The following GRID2 variants were observed in gnomAD, a reference collection of about 807,000 sequenced individuals.
GRID2 encodes glutamate ionotropic receptor delta type subunit 2.
A neutral mutation model predicts 114.8 loss-of-function variants in GRID2; 33 were observed. That is an observed-to-expected ratio of 0.29 (90% CI 0.22 to 0.38). The LOEUF is 0.38. Ranked by LOEUF, GRID2 falls within the 10% of genes least tolerant of loss-of-function variation. The probability of loss-of-function intolerance (pLI) is 1.00; values close to 1 mark genes in which losing one functional copy is unlikely to be tolerated. For missense variants in GRID2, 1,184 were observed against 1,257.7 expected (o/e 0.94, Z 0.89); for synonymous variants, 505 against 449.9 (o/e 1.12, Z -1.55).
intron 2 of GRID2, among the ~76,000 whole-genome samples, chr4:92,603,315 A>C (rs1729309409): frequency 6.6e-6 from 1 of 152,164 alleles, no homozygotes; most frequent in Admixed American, 6.6e-5. Context: ...AGGCTACAGT[A>C]ACCAAAACAG....
At chr4:93,615,058 G>T (rs527654452) in intron 13 of GRID2, among the ~76,000 whole-genome samples, 1 of 152,116 alleles carries the variant, frequency 6.6e-6, no homozygotes, top group South Asian at 2.1e-4. Context: ...CCTGCATTAC[G>T]TTGATTCTGG....
chr4:93,007,748 G>T (rs1280073836), intron 2 of GRID2, among the ~76,000 whole-genome samples: 1 of 151,926 alleles, frequency 6.6e-6, no homozygotes, highest in Non-Finnish European at 1.5e-5. Flanking sequence ...AATGGATAAA[G>T]AAAATAAAAT....
chr4:93,027,475 A>G (rs1257664435), intron 2 of GRID2, among the ~76,000 whole-genome samples: 1 of 152,102 alleles, frequency 6.6e-6, no homozygotes, highest in Non-Finnish European at 1.5e-5. Flanking sequence ...TATACTAAGA[A>G]GCCTTGTATT....
At position 92,906,699 on chromosome 4, in the gene GRID2, A is replaced by G. The variant is rs150347543; in HGVS notation, c.245-178296A>G. Among the ~76,000 whole-genome samples, 230 of 151,986 alleles carry G rather than the reference A, an allele frequency of 1.5e-3. 2 individuals carry two copies. The East Asian group carries it at 0.035, about 23-fold the overall frequency. On this transcript the variant is annotated intron_variant, in intron 2 of 15. Transcript: ENST00000282020. The stretch of plus-strand genomic sequence containing the variant: ...AGTGGTGTGATCTTGGCTCACTGCA[A>G]CCTCCACCTCCTGGGTTCAAGCGAT...
chr4:93,010,670 C>T (rs890221568), intron 2 of GRID2, among the ~76,000 whole-genome samples: 1 of 152,046 alleles, frequency 6.6e-6, no homozygotes, highest in Admixed American at 6.6e-5. Flanking sequence ...TTCTTTTTTC[C>T]TTTGTAAGTA....
chr4:92,390,916 C>A (rs1317485382), intron 1 of GRID2, among the ~76,000 whole-genome samples: 1 of 152,056 alleles, frequency 6.6e-6, no homozygotes, highest in Non-Finnish European at 1.5e-5. Context: ...TGGCACCAAG[C>A]CTGGTACCCA....
chr4:93,107,277 T>A, intron 3 of GRID2, among the ~76,000 whole-genome samples: 1 of 152,076 alleles, frequency 6.6e-6, no homozygotes, highest in Non-Finnish European at 1.5e-5. Flanking sequence ...CCAACCTGGG[T>A]AATAGAGTGG....
At chr4:92,577,084 A>G (rs1727933235) in intron 1 of GRID2, among the ~76,000 whole-genome samples, 1 of 152,200 alleles carries the variant, frequency 6.6e-6, no homozygotes, top group African/African-American at 2.4e-5. Context: ...AGCATAGCAT[A>G]TTCGAAAGGG....
chr4:93,745,404 T>C (rs200465982), intron 14 of GRID2, among the ~76,000 whole-genome samples: 1 of 152,192 alleles, frequency 6.6e-6, no homozygotes, highest in East Asian at 1.9e-4. Context: ...AGAATTCTTA[T>C]TTCCTCGGTT....
chr4:93,721,265 A>G (rs1376414607), intron 14 of GRID2, among the ~76,000 whole-genome samples: 1 of 152,208 alleles, frequency 6.6e-6, no homozygotes, highest in East Asian at 1.9e-4. Context: ...TAAATAGTCA[A>G]AAAGGGATCG....
rs528664183 is a variant in GRID2, at chr4:92,831,507, T to C, written c.244+241221T>C. On this transcript the variant is annotated intron_variant, in intron 2 of 15. Coordinates refer to ENST00000282020, the MANE Select transcript of GRID2 (RefSeq NM_001510.4). Reference sequence around the variant, plus strand: ...ATGCCAATTTCGTTTTTTTTTTTTTTCAAACCTGCATGGCTTTGAGCAAGT... The same window carrying C: ...ATGCCAATTTCGTTTTTTTTTTTTTCCAAACCTGCATGGCTTTGAGCAAGT... Among the ~76,000 whole-genome samples, 13 of 152,060 alleles carry C rather than the reference T, an allele frequency of 8.5e-5. No individual in the cohort carries two copies. In the South Asian group the frequency reaches 2.5e-3, roughly 29 times the overall value.
intron 11 of GRID2, among the ~76,000 whole-genome samples, chr4:93,464,060 TCA>T (rs1204742186): frequency 6.6e-6 from 1 of 152,160 alleles, no homozygotes; most frequent in Admixed American, 6.5e-5. Flanking sequence ...TGAGTAGAAC[TCA>T]GTGTTTTTAC....
intron 1 of GRID2, among the ~76,000 whole-genome samples, chr4:92,410,829 A>G (rs1267590760): frequency 6.7e-6 from 1 of 149,262 alleles, no homozygotes; most frequent in East Asian, 1.9e-4. Flanking sequence ...GTAGGTCTGC[A>G]AAAGCATTTT....
chr4:93,105,279 T>C (rs1456543025), intron 3 of GRID2, among the ~76,000 whole-genome samples: 1 of 152,062 alleles, frequency 6.6e-6, no homozygotes, highest in Non-Finnish European at 1.5e-5. Flanking sequence ...CTGATGGTAG[T>C]TTCTTTTGTT....
At chr4:92,908,988 A>G (rs1158830665) in intron 2 of GRID2, among the ~76,000 whole-genome samples, 1 of 152,198 alleles carries the variant, frequency 6.6e-6, no homozygotes, top group East Asian at 1.9e-4. Flanking sequence ...AAAAGATTAT[A>G]AATTCACATT....
intron 3 of GRID2, among the ~76,000 whole-genome samples, chr4:93,095,573 CTT>C (rs1378955621): frequency 2.6e-5 from 4 of 151,912 alleles, no homozygotes; most frequent in African/African-American, 9.7e-5. Context: ...AAATCTAAAA[CTT>C]ATAATTTAAT....
chr4:93,573,486 G>T (rs1401529550), intron 13 of GRID2, among the ~76,000 whole-genome samples: 1 of 152,146 alleles, frequency 6.6e-6, no homozygotes. Context: ...TTGGACAGCT[G>T]CAAATGAGAT....
chr4:93,333,664 A>T (rs193152425), intron 8 of GRID2, among the ~76,000 whole-genome samples: 1 of 152,272 alleles, frequency 6.6e-6, no homozygotes, highest in Admixed American at 6.5e-5. Flanking sequence ...AAAGGCATAG[A>T]AGAGTTTATT....
chr4:93,002,354 T>C (rs1353168600), intron 2 of GRID2, among the ~76,000 whole-genome samples: 1 of 151,764 alleles, frequency 6.6e-6, no homozygotes, highest in African/African-American at 2.4e-5. Context: ...ATACAAAATA[T>C]ACTTGCTAGG....
Sources: allele counts gnomAD v4.1 joint callset (sites outside exome capture counted in the v4.1 genomes callset), GRCh38; gene constraint gnomAD v4.1.1; transcripts MANE v1.5; gene names NCBI Gene and HGNC (gene_info 2026-07-23, HGNC 2026-07-21).